MDGA1: variants seen among roughly 807,000 people sequenced by gnomAD.
MDGA1 encodes MAM domain-containing glycosylphosphatidylinositol anchor protein 1.
Under a neutral mutation model 101.5 loss-of-function variants are expected in MDGA1, and 54 were observed. That is an observed-to-expected ratio of 0.53 (90% CI 0.43 to 0.67). The LOEUF (loss-of-function observed/expected upper bound fraction) is 0.67. MDGA1 is among the 30% of genes least tolerant of loss of function. MDGA1 has a pLI of 0.00. For missense variants in MDGA1, 1,083 were observed against 1,323.8 expected, an observed-to-expected ratio of 0.82 and a Z score of 2.82; for synonymous variants, 533 against 558.3, an observed-to-expected ratio of 0.95 and a Z score of 0.64.
chr6:37,646,485 A>ATTTT, intron 10 of MDGA1, 110 bp from the exon 11 acceptor site: 2 of 884,234 alleles, frequency 2.3e-6, no homozygotes, highest in Non-Finnish European at 3.2e-6. Flanking sequence ...GGCTGTCTTC[A>ATTTT]TAATAAAAAT....
chr6:37,679,125 T>A (rs997212544), intron 1 of MDGA1, among the ~76,000 whole-genome samples: 7 of 152,200 alleles, frequency 4.6e-5, no homozygotes, highest in Non-Finnish European at 1.0e-4. Context: ...TTTCCTCTCC[T>A]TTTTTGGCTA....
Position 37,686,011 on chromosome 6 carries a change from G to C in MDGA1, c.67+10734C>G, listed in dbSNP as rs146109775. ...CCCTAAAACGGGTATTTGTGGCAAA[G>C]ACTGCTCATCACCCACCCAATACCC... On this transcript the variant is annotated intron_variant, in intron 1 of 16. Coordinates refer to ENST00000434837, the MANE Select transcript of MDGA1 (RefSeq NM_153487.4). 1.1e-3 allele frequency among the ~76,000 whole-genome samples: 160 copies of C among 152,254 alleles called. 1 individual carries two copies. Among genetic ancestry groups the C allele is most frequent in the African/African-American group, 3.4e-3 (142 of 41,558 alleles).
intron 1 of MDGA1, among the ~76,000 whole-genome samples, chr6:37,682,582 C>T (rs574068625): frequency 1.3e-5 from 2 of 152,314 alleles, no homozygotes; most frequent in South Asian, 2.1e-4. Context: ...GGCTGATCCC[C>T]CTCTCTGCTG....
In MDGA1 at chr6:37,636,958, C is replaced by T. The variant is rs73413347; in HGVS notation, c.*410G>A. The T allele has an allele frequency of 1.2e-3, 190 of 155,860 alleles. 1 individual carries two copies. Among genetic ancestry groups the T allele is most frequent in the African/African-American group, 4.1e-3 (172 of 41,658 alleles). The allele number at this position is 155,860 out of a possible 1,614,324, so 9.7% of individuals were successfully genotyped here. A position where few individuals can be genotyped will look rare whatever the true frequency, so the allele number is the denominator to read the frequency against. On this transcript the variant is annotated 3_prime_UTR_variant, in exon 17 of 17. Transcript: ENST00000434837. ...CTGGCAAAGCCACCAGGCTGGAGTT[C>T]GGCCTTGACTTAGGGGACAGGGTAA...
chr6:37,683,830 A>C (rs559206878), intron 1 of MDGA1, among the ~76,000 whole-genome samples: 2 of 152,288 alleles, frequency 1.3e-5, no homozygotes, highest in African/African-American at 4.8e-5. Flanking sequence ...TTACCTCCCA[A>C]ATAATTACAG....
chr6:37,677,671 GCTT>G (rs1259671227), intron 1 of MDGA1, among the ~76,000 whole-genome samples: 3 of 138,662 alleles, frequency 2.2e-5, no homozygotes, highest in Non-Finnish European at 3.2e-5. Context: ...TGGTCATTGG[GCTT>G]CTTTTTTTTC....
chr6:37,647,595 G>A (rs1761241021), intron 9 of MDGA1, among the ~76,000 whole-genome samples: 1 of 151,454 alleles, frequency 6.6e-6, no homozygotes, highest in Non-Finnish European at 1.5e-5. Flanking sequence ...GGCAGGCCGA[G>A]AAAAAAACAG....
At chr6:37,642,326 T>C (rs1764107226) in intron 14 of MDGA1, among the ~76,000 whole-genome samples, 1 of 151,798 alleles carries the variant, frequency 6.6e-6, no homozygotes, top group Admixed American at 6.6e-5. Context: ...TGCCATCACG[T>C]GAGCCTGGCT....
At chr6:37,676,544 C>T (rs1307536719) in intron 1 of MDGA1, among the ~76,000 whole-genome samples, 1 of 152,218 alleles carries the variant, frequency 6.6e-6, no homozygotes, top group Non-Finnish European at 1.5e-5. Context: ...CCTGAGCCCT[C>T]ACATAAGCAT....
chr6:37,641,354 G>A (rs990715539), intron 14 of MDGA1, among the ~76,000 whole-genome samples: 1 of 152,124 alleles, frequency 6.6e-6, no homozygotes. Context: ...CTGCGGGCTG[G>A]AGGTGAGCTG....
chr6:37,655,658 G>A lies in MDGA1; in HGVS notation c.579+42C>T. On this transcript the variant is annotated intron_variant, in intron 4 of 16. Coordinates refer to ENST00000434837, the MANE Select transcript of MDGA1 (RefSeq NM_153487.4). This position sits in a 1 kb window ranked among gnomAD's most constrained non-coding sequence, Gnocchi z 5.1. ...CCCATGCCCCCCTCCCCTGTTGGAT[G>A]CAGGAGAAGTGGTATGGGGCGAGCC... 1 of 1,482,010 alleles carries A rather than the reference G, an allele frequency of 6.7e-7. No homozygotes were observed. The highest frequency in any genetic ancestry group is 9.1e-7 in the Non-Finnish European group (1 of 1,094,020). The allele number at this position is 1,482,010 out of a possible 1,614,324, so 91.8% of individuals were successfully genotyped here. A position where few individuals can be genotyped will look rare whatever the true frequency, so the allele number is the denominator to read the frequency against.
intron 14 of MDGA1, chr6:37,639,634 C>T (rs1373090504): frequency 6.6e-6 from 1 of 152,176 alleles, no homozygotes; most frequent in East Asian, 1.9e-4. Context: ...GATGTTGCCC[C>T]TGCCTGGAAC....
Position 37,658,368 on chromosome 6 carries a change from A to C in MDGA1, c.259T>G (p.Ser87Ala). Residue 87 changes from serine to alanine, a missense_variant, in exon 3 of 17, where the codon TCG (serine) becomes GCG (alanine). Ser to Ala is a moderately conservative substitution (Grantham distance 99). Coordinates refer to ENST00000434837, the MANE Select transcript of MDGA1 (RefSeq NM_153487.4). ...ATGCGCAGCGTCTCGTTGAACACCG[A>C]TGTCTCCTGGAACTTGTCCGAGGCG... is the stretch of plus-strand genomic sequence containing the variant. Reference protein sequence around the residue: ...GSASDKFQETSVFNETLRIER... With the variant: ...GSASDKFQETAVFNETLRIER... 1 of 1,612,936 alleles carries C rather than the reference A, an allele frequency of 6.2e-7. No homozygotes were observed. Among genetic ancestry groups the C allele is most frequent in the African/African-American group, 1.3e-5 (1 of 75,046 alleles).
chr6:37,660,035 TC>T (rs1366570901), intron 2 of MDGA1, among the ~76,000 whole-genome samples: 60 of 70,026 alleles, frequency 8.6e-4, no homozygotes, highest in Non-Finnish European at 1.8e-3. Flanking sequence ...TTTATCTCTC[TC>T]TTTTTTTTTT....
intron 2 of MDGA1, among the ~76,000 whole-genome samples, chr6:37,660,758 T>TG (rs1481886200): frequency 6.6e-6 from 1 of 152,238 alleles, no homozygotes; most frequent in Non-Finnish European, 1.5e-5. Flanking sequence ...GTTGGGTCTA[T>TG]GGACTGACTC....
intron 2 of MDGA1, 79 bp downstream of exon 2, chr6:37,663,888 C>T (rs1351533258): frequency 6.5e-7 from 1 of 1,528,042 alleles, no homozygotes; most frequent in Non-Finnish European, 9.0e-7. Flanking sequence ...TCCTCATCTC[C>T]TGCTGCCTCT....
intron 14 of MDGA1, among the ~76,000 whole-genome samples, chr6:37,641,221 G>T (rs957785116): frequency 1.3e-5 from 2 of 152,136 alleles, no homozygotes; most frequent in African/African-American, 4.8e-5. Context: ...CCCACCAGGG[G>T]GTCTGTCTAT....
intron 2 of MDGA1, among the ~76,000 whole-genome samples, chr6:37,662,162 GA>G (rs10717477): frequency 0.57 from 74,429 of 131,158 alleles, 21,482 homozygotes; most frequent in East Asian, 0.84. Context: ...ACCCTGTCTC[GA>G]AAAAAAAAAA....
At chr6:37,682,611 CTT>C (rs59613579) in intron 1 of MDGA1, among the ~76,000 whole-genome samples, 1,625 of 152,294 alleles carry the variant, frequency 0.011, 21 homozygotes, top group African/African-American at 0.037. Context: ...GAGAACTTCT[CTT>C]GTTTTCTCTG....
Sources: gnomAD v4.1 joint callset for allele counts (sites outside exome capture counted in the v4.1 genomes callset) on GRCh38, gnomAD v4.1.1 for gene constraint, Gnocchi (gnomAD v3.1) non-coding constraint, MANE v1.5 for transcripts, NCBI Gene and HGNC (gene_info 2026-07-23, HGNC 2026-07-21) for gene names.